Variants in DLGAP4 observed in about 807,000 individuals in gnomAD.
DLGAP4 encodes DLG associated protein 4, also known as disks large-associated protein 4.
DLGAP4 carries 18 observed loss-of-function variants against 86.9 expected under a neutral mutation model. The observed-to-expected ratio is 0.21, with a 90% confidence interval of 0.14 to 0.31. The LOEUF (loss-of-function observed/expected upper bound fraction) is 0.31. DLGAP4 is among the 10% of genes least tolerant of loss of function. The pLI is 1.00. For missense variants in DLGAP4, 1,085 were observed against 1,362.6 expected, an observed-to-expected ratio of 0.80 and a Z score of 3.21; for synonymous variants, 548 against 574.3, an observed-to-expected ratio of 0.95 and a Z score of 0.65.
intron 2 of DLGAP4, among the ~76,000 whole-genome samples, chr20:36,390,012 A>G (rs558202831): frequency 1.2e-3 from 181 of 152,312 alleles, no homozygotes; most frequent in African/African-American, 4.0e-3. Flanking sequence ...CTGGCCTTCT[A>G]ATGGGGGAAA....
At position 36,316,858 on chromosome 20, in the gene DLGAP4, G is replaced by T. The variant is rs895528971; in HGVS notation, c.-304+10346G>T. ...TTCTCTGGGGGCCACCTCCTCACCTGGATCTGGCACTAAGGGGGTAACTGA... is the reference window on the plus strand; with the variant it reads ...TTCTCTGGGGGCCACCTCCTCACCTTGATCTGGCACTAAGGGGGTAACTGA... On this transcript the variant is annotated intron_variant, in intron 1 of 12. Coordinates refer to ENST00000339266, the MANE Select transcript of DLGAP4 (RefSeq NM_001365621.2). Among the ~76,000 whole-genome samples, 390 of 152,280 alleles carry T rather than the reference G, an allele frequency of 2.6e-3. 1 individual carries two copies. Among genetic ancestry groups the T allele is most frequent in the African/African-American group, 9.1e-3 (377 of 41,548 alleles).
chr20:36,309,467 C>T (rs1433419662), intron 1 of DLGAP4, among the ~76,000 whole-genome samples: 7 of 152,194 alleles, frequency 4.6e-5, no homozygotes, highest in Non-Finnish European at 1.0e-4. Flanking sequence ...TTGGCCAGGC[C>T]ATTGCCAACA....
At chr20:36,516,085 G>A (rs758632424) in intron 10 of DLGAP4, among the ~76,000 whole-genome samples, 5 of 152,168 alleles carry the variant, frequency 3.3e-5, no homozygotes, top group Non-Finnish European at 7.3e-5. Flanking sequence ...GCTGGCCCAC[G>A]CACTGCTTCT....
At chr20:36,333,742 C>G (rs1031932750) in intron 1 of DLGAP4, among the ~76,000 whole-genome samples, 4 of 152,236 alleles carry the variant, frequency 2.6e-5, no homozygotes. Context: ...GGCCTCGAAG[C>G]CCTTCAAGGG....
In DLGAP4 at chr20:36,471,036, T is replaced by C. The variant is rs192036524; in HGVS notation, c.1648+24099T>C. 2.6e-5 allele frequency among the ~76,000 whole-genome samples: 4 copies of C among 152,318 alleles called. No homozygotes were observed. In the East Asian group the frequency reaches 7.7e-4, roughly 29 times the overall value. On this transcript the variant is annotated intron_variant, in intron 7 of 12. Transcript: ENST00000339266. ...TCCAAGAGTCTGTGCGCTTAAAATTTTGTCATGTATTTTTTAATTGCCTTC... is the reference window on the plus strand; with the variant it reads ...TCCAAGAGTCTGTGCGCTTAAAATTCTGTCATGTATTTTTTAATTGCCTTC...
Position 36,394,262 on chromosome 20 carries a change from G to A in DLGAP4, c.-73+26987G>A, listed in dbSNP as rs145966821. 3.3e-5 allele frequency among the ~76,000 whole-genome samples: 5 copies of A among 152,300 alleles called. No individual in the cohort carries two copies. In the East Asian group the frequency reaches 9.7e-4, roughly 29 times the overall value. ...CCGTTATCCGCCCGTGTGGTTAGAT[G>A]TTTATGATCTCCCTTCCCTGACACC... is the stretch of plus-strand genomic sequence containing the variant. On this transcript the variant is annotated intron_variant, in intron 2 of 12. Coordinates refer to ENST00000339266, the MANE Select transcript of DLGAP4 (RefSeq NM_001365621.2).
chr20:36,526,899 C>T lies in DLGAP4; in HGVS notation c.2847C>T (p.Ser949=), dbSNP rs769718131. 24 of 1,613,250 alleles carry T rather than the reference C, an allele frequency of 1.5e-5. No homozygotes were observed. The highest frequency in any genetic ancestry group is 5.5e-5 in the South Asian group (5 of 90,962). ...AVSRDKASDA[S]DKQRQEARKR... Reference sequence around the variant, plus strand: ...GCCGCGACAAGGCCTCAGACGCCAGCGACAAGCAGCGCCAGGAGGCCCGCA... The same window carrying T: ...GCCGCGACAAGGCCTCAGACGCCAGTGACAAGCAGCGCCAGGAGGCCCGCA... The change falls in exon 13 of 13, where the codon AGC becomes AGT. Residue 949 remains serine (S), a synonymous_variant. Transcript: ENST00000339266.
intron 7 of DLGAP4, chr20:36,461,819 C>G: frequency 1.0e-6 from 1 of 982,958 alleles, no homozygotes. Context: ...TGTCCCCGCT[C>G]CGCCCGCTTT....
In DLGAP4 at chr20:36,432,364, G is replaced by T; in HGVS notation, c.647G>T (p.Gly216Val). 6.2e-7 allele frequency: 1 copy of T among 1,613,468 alleles called. No individual in the cohort carries two copies. ...GATGACAACTTGGACGGCGAGGCCG[G>T]CGCCTTCCGCAGCAGTGGCCCAGCC... is the stretch of plus-strand genomic sequence containing the variant. ...SSDDNLDGEA[G>V]AFRSSGPASG... Residue 216 changes from glycine to valine, a missense_variant, in exon 3 of 13, where the codon GGC becomes GTC. By Grantham distance (109) the Gly-to-Val change is moderately radical (BLOSUM62 -3). Transcript: ENST00000339266. The surrounding 1 kb of genome is among the most constrained non-coding windows in gnomAD (Gnocchi z 6.5).
intron 1 of DLGAP4, among the ~76,000 whole-genome samples, chr20:36,309,882 T>A (rs905782004): frequency 1.8e-4 from 27 of 152,338 alleles, no homozygotes; most frequent in African/African-American, 6.3e-4. Flanking sequence ...GACCCCACTC[T>A]GTAAACTGTA....
At chr20:36,429,963 TG>T (rs779162545) in intron 2 of DLGAP4, among the ~76,000 whole-genome samples, 1 of 152,216 alleles carries the variant, frequency 6.6e-6, no homozygotes, top group Non-Finnish European at 1.5e-5. Context: ...TCACTTGCTC[TG>T]CTCCAGCCAC....
rs370567365 is a variant in DLGAP4 at position 36,526,923 on chromosome 20, C to G, written c.2871C>G (p.Arg957=). 8 of 1,613,794 alleles carry G rather than the reference C, an allele frequency of 5.0e-6. No individual in the cohort carries two copies. The highest frequency in any genetic ancestry group is 3.3e-5 in the Admixed American group (2 of 59,956). Residue 957 remains arginine (R), a synonymous_variant, in exon 13 of 13, where the codon CGC becomes CGG. Transcript: ENST00000339266. ...GCGACAAGCAGCGCCAGGAGGCCCG[C>G]AAGAGACTCCTGGCGGCCAAGCGGG... ...DASDKQRQEA[R]KRLLAAKRAA... is the part of the protein sequence containing the mutation.
chr20:36,383,689 T>G (rs1225260858), intron 2 of DLGAP4, among the ~76,000 whole-genome samples: 1 of 151,798 alleles, frequency 6.6e-6, no homozygotes, highest in African/African-American at 2.4e-5. Context: ...GAAATAGACC[T>G]GGAAGGCCGG....
chr20:36,500,720 CT>C lies in DLGAP4; in HGVS notation c.2512+111del, dbSNP rs1327353493. 4.6e-6 allele frequency: 5 copies of C among 1,082,590 alleles called. No homozygotes were observed. The East Asian group carries it at 1.5e-4, about 32-fold the overall frequency. 67.1% of individuals were successfully genotyped at this position (1,082,590 alleles called of 1,614,324 possible). A position where few individuals can be genotyped will look rare whatever the true frequency, so the allele number is the denominator to read the frequency against. On this transcript the variant is annotated intron_variant, in intron 10 of 12. Transcript: ENST00000339266. The surrounding 1 kb of genome is among the most constrained non-coding windows in gnomAD (Gnocchi z 4.6). ...TCTGAGTGGGGGTCTCTTAGGTTCT[CT>C]TCTTGGGCTAGTTTTTGAGCTCCCT... is the stretch of plus-strand genomic sequence containing the variant.
At chr20:36,412,956 A>C (rs2032541891) in intron 2 of DLGAP4, among the ~76,000 whole-genome samples, 1 of 149,544 alleles carries the variant, frequency 6.7e-6, no homozygotes, top group South Asian at 2.1e-4. Context: ...AGCCATCACC[A>C]CTGTTTATTC....
In DLGAP4 at chr20:36,416,245, C is replaced by T. The variant is rs2147510437; in HGVS notation, c.-72-15401C>T. Among the ~76,000 whole-genome samples, 2 of 152,306 alleles carry T rather than the reference C, an allele frequency of 1.3e-5. 1 individual carries two copies. The highest frequency in any genetic ancestry group is 3.9e-4 in the East Asian group (2 of 5,182). On this transcript the variant is annotated intron_variant, in intron 2 of 12. Coordinates refer to ENST00000339266, the MANE Select transcript of DLGAP4 (RefSeq NM_001365621.2). ...CAAGCGATTCTCCTGCCTCAGCCTC[C>T]CAACTAGCTGGGATTACAGGCATAT...
intron 2 of DLGAP4, among the ~76,000 whole-genome samples, chr20:36,403,772 A>G (rs2032232836): frequency 6.6e-6 from 1 of 152,190 alleles, no homozygotes; most frequent in Non-Finnish European, 1.5e-5. Context: ...TGGCTCAGGG[A>G]TCTCTCATTA....
At chr20:36,331,458 C>T (rs2065267212) in intron 1 of DLGAP4, among the ~76,000 whole-genome samples, 1 of 152,228 alleles carries the variant, frequency 6.6e-6, no homozygotes, top group South Asian at 2.1e-4. Flanking sequence ...AGCAATTAGA[C>T]CTGCAGTCTG....
At position 36,500,311 on chromosome 20, in the gene DLGAP4, C is replaced by A; in HGVS notation, c.2212C>A (p.Pro738Thr). ...SSERSLPDCTPHPNSISIDAG... is the reference protein window; with the variant it reads ...SSERSLPDCTTHPNSISIDAG... ...TGAGAGGAGCCTCCCGGACTGTACC[C>A]CTCACCCCAACTCCATCAGCATCGA... The change falls in exon 10 of 13, where the codon CCT becomes ACT. Residue 738 changes from proline to threonine, a missense_variant. Coordinates refer to ENST00000339266, the MANE Select transcript of DLGAP4 (RefSeq NM_001365621.2). This position sits in a 1 kb window ranked among gnomAD's most constrained non-coding sequence, Gnocchi z 4.6. 1 of 1,614,006 alleles carries A rather than the reference C, an allele frequency of 6.2e-7. No homozygotes were observed. Among genetic ancestry groups the A allele is most frequent in the Non-Finnish European group, 8.5e-7 (1 of 1,179,920 alleles).
Sources: gnomAD v4.1 joint callset for allele counts (sites outside exome capture counted in the v4.1 genomes callset) on GRCh38, gnomAD v4.1.1 for gene constraint, Gnocchi (gnomAD v3.1) non-coding constraint, MANE v1.5 for transcripts, NCBI Gene and HGNC (gene_info 2026-07-23, HGNC 2026-07-21) for gene names.